The following ADGRV1 variants were observed in gnomAD, a reference collection of about 807,000 sequenced individuals.
ADGRV1 encodes G-protein coupled receptor 98.
In ADGRV1, 359 loss-of-function variants were observed where a neutral mutation model predicts 596.2. The ratio of observed to expected loss-of-function variants is 0.60; its 90% confidence interval spans 0.55 to 0.66. The LOEUF (loss-of-function observed/expected upper bound fraction) is 0.66. ADGRV1 is among the 30% of genes least tolerant of loss of function. The pLI, the probability that ADGRV1 is intolerant of heterozygous loss-of-function variation, is 0.00. For missense variants in ADGRV1, 7,274 were observed against 7,575.6 expected (o/e 0.96, Z 1.48); for synonymous variants, 2,681 against 2,679.2 (o/e 1.00, Z -0.02).
At chr5:91,105,481 C>T (rs1432917643) in intron 87 of ADGRV1, among the ~76,000 whole-genome samples, 2 of 152,122 alleles carry the variant, frequency 1.3e-5, no homozygotes, top group Admixed American at 6.6e-5. Flanking sequence ...CTGTTTTCTC[C>T]GCATCATCAC....
chr5:90,766,709 G>T (rs1048589153), intron 59 of ADGRV1, among the ~76,000 whole-genome samples: 2 of 152,156 alleles, frequency 1.3e-5, no homozygotes, highest in Non-Finnish European at 2.9e-5. Flanking sequence ...CATGGAGTTG[G>T]TTTCTGTAAC....
intron 71 of ADGRV1, among the ~76,000 whole-genome samples, chr5:90,804,654 T>C (rs1761731037): frequency 6.6e-6 from 1 of 152,164 alleles, no homozygotes; most frequent in African/African-American, 2.4e-5. Flanking sequence ...ATTGTTCAAA[T>C]CAAAATGTGA....
chr5:90,722,222 G>A (rs1239337340), intron 45 of ADGRV1, among the ~76,000 whole-genome samples: 2 of 152,090 alleles, frequency 1.3e-5, no homozygotes, highest in African/African-American at 2.4e-5. Flanking sequence ...ATGAAGGTGA[G>A]GGACAGGGAA....
chr5:91,068,545 C>CA lies in ADGRV1; in HGVS notation c.18153-3892dup, dbSNP rs35324720. ...TTTTAATATAAAATTGAGGCACTCA[C>CA]AAAAAAAAAATACCTAAGAATACCT... On this transcript the variant is annotated intron_variant, in intron 85 of 89. Coordinates refer to ENST00000405460, the MANE Select transcript of ADGRV1 (RefSeq NM_032119.4). 5.5e-3 allele frequency among the ~76,000 whole-genome samples: 791 copies of CA among 144,656 alleles called. 4 individuals are homozygous for CA. Among genetic ancestry groups the CA allele is most frequent in the South Asian group, 0.022 (101 of 4,610 alleles). The allele number at this position is 144,656 out of a possible 152,430, so 94.9% of individuals were successfully genotyped here. A position where few individuals can be genotyped will look rare whatever the true frequency, so the allele number is the denominator to read the frequency against.
At chr5:90,797,038 C>A (rs914840323) in intron 70 of ADGRV1, among the ~76,000 whole-genome samples, 3 of 151,722 alleles carry the variant, frequency 2.0e-5, no homozygotes, top group Non-Finnish European at 4.4e-5. Context: ...TAAAGACCAT[C>A]GACACTATGA....
At chr5:90,735,229 A>G (rs1442879871) in intron 50 of ADGRV1, among the ~76,000 whole-genome samples, 2 of 152,200 alleles carry the variant, frequency 1.3e-5, no homozygotes, top group Non-Finnish European at 2.9e-5. Context: ...ATTCTTCCAC[A>G]TGTGGATATC....
chr5:90,690,986 C>A lies in ADGRV1; in HGVS notation c.6896C>A (p.Thr2299Asn). 1 of 1,613,778 alleles carries A rather than the reference C, an allele frequency of 6.2e-7. No individual in the cohort carries two copies. The highest frequency in any genetic ancestry group is 8.5e-7 in the Non-Finnish European group (1 of 1,179,762). ...SGNVTFAPGE[T>N]IQTLLLEVLA... is the part of the protein sequence containing the mutation. ...AATGTGACCTTTGCCCCTGGGGAAA[C>A]CATTCAAACCTTGTTGTTAGAGGTC... The change falls in exon 31 of 90, where the codon ACC becomes AAC. Residue 2299 changes from threonine (T) to asparagine (N), a missense_variant. This residue lies in a region of ADGRV1 where 3,643 missense variants were observed against 3,809.2 expected (regional missense o/e 0.96). Transcript: ENST00000405460.
chr5:90,671,916 A>G (rs1772523834), intron 21 of ADGRV1, among the ~76,000 whole-genome samples: 1 of 152,206 alleles, frequency 6.6e-6, no homozygotes, highest in African/African-American at 2.4e-5. Flanking sequence ...GGTTTATATG[A>G]TAAAAACACC....
At position 90,750,429 on chromosome 5, in the gene ADGRV1, C is replaced by T. The variant is rs1432453432; in HGVS notation, c.10975-122C>T. 6.1e-6 allele frequency: 4 copies of T among 660,846 alleles called. No homozygotes were observed. In the Admixed American group the frequency reaches 8.0e-5, roughly 13 times the overall value. The allele number at this position is 660,846 out of a possible 1,614,324, so 40.9% of individuals were successfully genotyped here. A position where few individuals can be genotyped will look rare whatever the true frequency, so the allele number is the denominator to read the frequency against. On this transcript the variant is annotated intron_variant, in intron 52 of 89. Transcript: ENST00000405460. Reference sequence around the variant, plus strand: ...GACTGTTTTTTAATTGTCGTTTTCACTTACTATGTCATGTTGCTTAGGACC... The same window carrying T: ...GACTGTTTTTTAATTGTCGTTTTCATTTACTATGTCATGTTGCTTAGGACC...
chr5:90,783,737 CT>C (rs1208732901), intron 66 of ADGRV1, 100 bp from the exon 67 acceptor site: 2 of 819,294 alleles, frequency 2.4e-6, no homozygotes, highest in Admixed American at 5.2e-5. Flanking sequence ...ACTACTGTGC[CT>C]TGAATATGTA....
chr5:90,564,719 C>T (rs1489743161), intron 1 of ADGRV1, among the ~76,000 whole-genome samples: 14 of 37,730 alleles, frequency 3.7e-4, no homozygotes, highest in South Asian at 9.1e-4. Flanking sequence ...CTCCGCCTCC[C>T]GGGTTCACGC....
intron 1 of ADGRV1, among the ~76,000 whole-genome samples, chr5:90,603,481 C>T (rs1761675094): frequency 6.6e-6 from 1 of 152,080 alleles, no homozygotes; most frequent in South Asian, 2.1e-4. Flanking sequence ...AGGTCTACAG[C>T]CTAGAAACTG....
At chr5:90,645,919 A>G in intron 15 of ADGRV1, 49 bp from the exon 16 acceptor site, 1 of 1,431,782 alleles carries the variant, frequency 7.0e-7, no homozygotes, top group African/African-American at 1.4e-5. Context: ...ATATGATGTA[A>G]TTTATATGTA....
rs546906904 is a variant in ADGRV1 at position 90,624,004 on chromosome 5, T to C, written c.559-1126T>C. On this transcript the variant is annotated intron_variant, in intron 5 of 89. Coordinates refer to ENST00000405460, the MANE Select transcript of ADGRV1 (RefSeq NM_032119.4). ...TATACTATTTTCAAACATTAGAGTA[T>C]TAGCAATTTCAGATACCAGTTTCTT... Among the ~76,000 whole-genome samples, 5 of 152,340 alleles carry C rather than the reference T, an allele frequency of 3.3e-5. No individual in the cohort carries two copies. The South Asian group carries it at 8.3e-4, about 25-fold the overall frequency.
intron 75 of ADGRV1, among the ~76,000 whole-genome samples, chr5:90,816,260 C>T (rs1762881025): frequency 6.6e-6 from 1 of 151,892 alleles, no homozygotes; most frequent in East Asian, 1.9e-4. Context: ...TAGAAAAATC[C>T]TTTTTAAAAG....
At chr5:90,646,775 CTTTT>C (rs550562464) in intron 16 of ADGRV1, among the ~76,000 whole-genome samples, 8 of 96,532 alleles carry the variant, frequency 8.3e-5, no homozygotes, top group Admixed American at 1.0e-4. Context: ...CTTTCTTCTT[CTTTT>C]TTTTTTTTTT....
chr5:90,873,391 G>A (rs186243476), intron 83 of ADGRV1, among the ~76,000 whole-genome samples: 1 of 152,248 alleles, frequency 6.6e-6, no homozygotes, highest in East Asian at 1.9e-4. Flanking sequence ...ACAACCAAGT[G>A]GGTTTTGTGG....
intron 84 of ADGRV1, among the ~76,000 whole-genome samples, chr5:90,979,381 G>C (rs970033766): frequency 1.3e-5 from 2 of 152,024 alleles, no homozygotes; most frequent in Non-Finnish European, 2.9e-5. Context: ...TGTTGCCCAG[G>C]CTGATCTGGA....
At chr5:90,699,704 G>A (rs191345990) in intron 34 of ADGRV1, among the ~76,000 whole-genome samples, 13 of 152,262 alleles carry the variant, frequency 8.5e-5, no homozygotes, top group African/African-American at 3.1e-4. Context: ...CTGAAGACAC[G>A]GAGGCCCTCC....
Sources: allele counts gnomAD v4.1 joint callset (sites outside exome capture counted in the v4.1 genomes callset), GRCh38; gene constraint gnomAD v4.1.1; regional missense constraint gnomAD v4.1.1; transcripts MANE v1.5; gene names NCBI Gene and HGNC (gene_info 2026-07-23, HGNC 2026-07-21).